Variants in FBRSL1 observed in about 807,000 individuals in gnomAD.
The protein encoded by FBRSL1 is fibrosin-1-like protein.
Under a neutral mutation model 89.6 loss-of-function variants are expected in FBRSL1, and 51 were observed. The observed-to-expected ratio is 0.57, with a 90% CI of 0.45 to 0.72. The LOEUF (loss-of-function observed/expected upper bound fraction) is 0.72. Ranked by LOEUF, FBRSL1 falls within the 30% of genes least tolerant of loss-of-function variation. The pLI is 0.00. For missense variants in FBRSL1, 1,618 were observed against 1,451.8 expected (o/e 1.11, Z -1.86); for synonymous variants, 779 against 681.1 (o/e 1.14, Z -2.24).
intron 5 of FBRSL1, among the ~76,000 whole-genome samples, chr12:132,564,917 C>G (rs1464060641): frequency 6.8e-6 from 1 of 147,614 alleles, no homozygotes; most frequent in Admixed American, 6.6e-5. Context: ...GCGTGAGCCG[C>G]GGCCGGCCGC....
intron 4 of FBRSL1, among the ~76,000 whole-genome samples, chr12:132,543,904 G>A (rs1405875964): frequency 2.0e-5 from 3 of 152,196 alleles, no homozygotes; most frequent in African/African-American, 7.2e-5. Context: ...GCCTGGGGGA[G>A]CTGAGCTGCG....
chr12:132,507,492 G>A (rs1025412482), intron 1 of FBRSL1: 33 of 915,662 alleles, frequency 3.6e-5, no homozygotes, highest in Non-Finnish European at 4.2e-5. Context: ...GGGGCTGTCC[G>A]CAGGCTAGAA....
chr12:132,519,576 A>G (rs962685728), intron 2 of FBRSL1, among the ~76,000 whole-genome samples: 5 of 152,220 alleles, frequency 3.3e-5, no homozygotes, highest in East Asian at 1.9e-4. Context: ...CTTCAGCTCA[A>G]TGTGACTCCA....
Position 132,583,400 on chromosome 12 carries a change from C to T in FBRSL1, c.2631C>T (p.Leu877=), listed in dbSNP as rs1326874705. 3 of 1,080,932 alleles carry T rather than the reference C, an allele frequency of 2.8e-6. No individual in the cohort carries two copies. Among genetic ancestry groups the T allele is most frequent in the African/African-American group, 3.5e-5 (2 of 57,692 alleles). The allele number at this position is 1,080,932 out of a possible 1,614,324, so 67.0% of individuals were successfully genotyped here. The change falls in exon 19 of 19, where the codon CTC becomes CTT. Residue 877 remains leucine, a synonymous_variant. Transcript: ENST00000680143. ...AAAPAPGSAA[L]LEPPERPYRD... ...CCCCCGCCCCGGGCTCCGCCGCCCT[C>T]TTGGAGCCCCCGGAGCGCCCCTACC...
chr12:132,519,782 G>A (rs1453202246), intron 2 of FBRSL1, among the ~76,000 whole-genome samples: 1 of 151,944 alleles, frequency 6.6e-6, no homozygotes, highest in East Asian at 1.9e-4. Context: ...GGTGGCAAGT[G>A]CCTGTAATCC....
intron 5 of FBRSL1, among the ~76,000 whole-genome samples, chr12:132,563,944 C>A (rs1381408673): frequency 2.7e-5 from 4 of 147,624 alleles, no homozygotes; most frequent in Admixed American, 1.3e-4. Flanking sequence ...CACATACCTA[C>A]GTCTGTACAC....
At chr12:132,508,752 G>A (rs1038199380) in intron 2 of FBRSL1, among the ~76,000 whole-genome samples, 3 of 152,252 alleles carry the variant, frequency 2.0e-5, no homozygotes, top group South Asian at 2.1e-4. Context: ...CACACGCAGC[G>A]CCATCCGCTC....
chr12:132,574,775 G>T (rs779970400), intron 14 of FBRSL1, among the ~76,000 whole-genome samples: 1 of 152,100 alleles, frequency 6.6e-6, no homozygotes, highest in Non-Finnish European at 1.5e-5. Context: ...CCCGGGTGCC[G>T]CAAGGCCCTC....
chr12:132,507,512 A>G, intron 1 of FBRSL1: 1 of 834,146 alleles, frequency 1.2e-6, no homozygotes, highest in Non-Finnish European at 1.4e-6. Flanking sequence ...AGGTGCTCTG[A>G]AGGAGTCGAG....
At chr12:132,550,172 G>A (rs151230206) in intron 5 of FBRSL1, among the ~76,000 whole-genome samples, 1 of 120,090 alleles carries the variant, frequency 8.3e-6, no homozygotes, top group Admixed American at 7.6e-5. Flanking sequence ...TTCTAGGGCT[G>A]TGGTGGCCAC....
In FBRSL1 at chr12:132,583,848, CA is replaced by C; in HGVS notation, c.*72del. The C allele has an allele frequency of 1.1e-6, 1 of 941,244 alleles. No homozygotes were observed. The highest frequency in any genetic ancestry group is 1.7e-5 in the African/African-American group (1 of 57,314). 58.3% of individuals were successfully genotyped at this position (941,244 alleles called of 1,614,324 possible). On this transcript the variant is annotated 3_prime_UTR_variant, in exon 19 of 19. Coordinates refer to ENST00000680143, the MANE Select transcript of FBRSL1 (RefSeq NM_001367871.1). ...CGTCTCTCCATCAGTTCCTAGAACT[CA>C]AGCACAGCTCCCGCCGATCCTGGGG... is the stretch of plus-strand genomic sequence containing the variant.
intron 2 of FBRSL1, among the ~76,000 whole-genome samples, chr12:132,521,973 T>C (rs1260732010): frequency 6.6e-6 from 1 of 151,952 alleles, no homozygotes; most frequent in Non-Finnish European, 1.5e-5. Flanking sequence ...GGGTGAGGTG[T>C]GTACAGGGCC....
Position 132,574,483 on chromosome 12 carries a change from C to T in FBRSL1, c.1630-10C>T, listed in dbSNP as rs2040252284. The T allele has an allele frequency of 1.3e-6, 2 of 1,549,928 alleles. No individual in the cohort carries two copies. Among genetic ancestry groups the T allele is most frequent in the Non-Finnish European group, 8.7e-7 (1 of 1,146,674 alleles). The stretch of plus-strand genomic sequence containing the variant: ...CACCAGCCCCACTGAGCGCTTCCAT[C>T]CTGTCGCAGAAGCCGGGGAGGTGGT... On this transcript the variant is annotated splice_polypyrimidine_tract_variant and intron_variant, in intron 13 of 18. Transcript: ENST00000680143.
chr12:132,539,539 TCC>T (rs1436533217), intron 4 of FBRSL1, among the ~76,000 whole-genome samples: 1 of 50,104 alleles, frequency 2.0e-5, no homozygotes. Context: ...GCCCACCCAG[TCC>T]TGCCCTCCAG....
intron 5 of FBRSL1, among the ~76,000 whole-genome samples, chr12:132,564,755 G>A (rs1267366757): frequency 1.0e-5 from 1 of 95,790 alleles, no homozygotes; most frequent in Non-Finnish European, 1.9e-5. Flanking sequence ...TCGGCCTCCC[G>A]AGTAGCTGGG....
chr12:132,499,977 A>G lies in FBRSL1; in HGVS notation c.292-8176A>G, dbSNP rs112002906. The stretch of plus-strand genomic sequence containing the variant: ...CGTCAGGGAGGAGGCTGGGTGGGCT[A>G]CTGGGCTCTCCGCAGCCCAGACAGG... On this transcript the variant is annotated intron_variant, in intron 1 of 18. Coordinates refer to ENST00000680143, the MANE Select transcript of FBRSL1 (RefSeq NM_001367871.1). This position sits in a 1 kb window ranked among gnomAD's most constrained non-coding sequence, Gnocchi z 4.3. 6.6e-6 allele frequency among the ~76,000 whole-genome samples: 1 copy of G among 152,046 alleles called. No homozygotes were observed. Among genetic ancestry groups the G allele is most frequent in the Non-Finnish European group, 1.5e-5 (1 of 67,988 alleles).
intron 8 of FBRSL1, 148 bp from the exon 9 acceptor site, chr12:132,570,920 G>A (rs943463865): frequency 1.8e-5 from 7 of 387,910 alleles, no homozygotes; most frequent in Admixed American, 6.4e-5. Flanking sequence ...TTCCTCCCTC[G>A]GCCCCCAGGC....
intron 2 of FBRSL1, chr12:132,511,079 C>G (rs2034283376): frequency 1.0e-6 from 1 of 985,580 alleles, no homozygotes; most frequent in Non-Finnish European, 1.2e-6. Context: ...TCCAGGCCCT[C>G]CCCCTGGTAG....
chr12:132,520,179 T>TACCCCTCCAGCACCCCCTCCTTGC, intron 2 of FBRSL1, among the ~76,000 whole-genome samples: 1 of 88,122 alleles, frequency 1.1e-5, no homozygotes, highest in East Asian at 3.1e-4. Flanking sequence ...ACCCTCCTTG[T>TACCCCTCCAGCACCCCCTCCTTGC]ACCCCTCCAG....
Sources: allele counts gnomAD v4.1 joint callset (sites outside exome capture counted in the v4.1 genomes callset), GRCh38; gene constraint gnomAD v4.1.1; non-coding constraint Gnocchi (gnomAD v3.1); transcripts MANE v1.5; gene names NCBI Gene and HGNC (gene_info 2026-07-23, HGNC 2026-07-21).